OCA2: variants seen among roughly 807,000 people sequenced by gnomAD.
The protein encoded by OCA2 is P protein.
OCA2 carries 77 observed loss-of-function variants against 100.2 expected under a neutral mutation model. That is an observed-to-expected ratio of 0.77 (90% CI 0.64 to 0.93). The LOEUF (loss-of-function observed/expected upper bound fraction) is 0.93. Ranked by LOEUF, OCA2 falls within the 40% of genes least tolerant of loss-of-function variation. OCA2 has a pLI of 0.00. For synonymous variants in OCA2, 432 were observed against 439.2 expected (o/e 0.98, Z 0.21); for missense variants, 1,062 against 1,089.1 (o/e 0.98, Z 0.35).
chr15:27,969,141 C>T (rs1644092683), intron 14 of OCA2, among the ~76,000 whole-genome samples: 1 of 151,762 alleles, frequency 6.6e-6, no homozygotes, highest in African/African-American at 2.4e-5. Context: ...CTGAGTAATT[C>T]TTGGTCCCTC....
chr15:27,908,047 G>C (rs1451585464), intron 19 of OCA2, among the ~76,000 whole-genome samples: 1 of 151,066 alleles, frequency 6.6e-6, no homozygotes, highest in Non-Finnish European at 1.5e-5. Context: ...ACCACGTAAA[G>C]ACTCATTAAG....
At chr15:28,023,233 C>G (rs1354154874) in intron 5 of OCA2, among the ~76,000 whole-genome samples, 1 of 152,080 alleles carries the variant, frequency 6.6e-6, no homozygotes, top group Non-Finnish European at 1.5e-5. Flanking sequence ...AATTGGTAGC[C>G]AAAAATATCA....
intron 23 of OCA2, among the ~76,000 whole-genome samples, chr15:27,778,416 TGAGGTCACTCCGAGAG>T (rs1327031624): frequency 1.3e-5 from 2 of 152,154 alleles, no homozygotes; most frequent in East Asian, 3.8e-4. Context: ...CTGTGTTTGG[TGAGGTCACTCCGAGAG>T]GAGGTTTGGG....
chr15:27,937,820 T>A (rs547167356), intron 18 of OCA2, among the ~76,000 whole-genome samples: 3 of 152,372 alleles, frequency 2.0e-5, no homozygotes, highest in African/African-American at 7.2e-5. Flanking sequence ...TTTCCAAATG[T>A]GACAATGGAT....
intron 1 of OCA2, among the ~76,000 whole-genome samples, chr15:28,086,497 A>C (rs1403750702): frequency 6.6e-6 from 1 of 152,172 alleles, no homozygotes; most frequent in Non-Finnish European, 1.5e-5. Flanking sequence ...GTGTCAAAGG[A>C]AGGCACCTAA....
chr15:27,959,507 C>T (rs796239194), intron 15 of OCA2, among the ~76,000 whole-genome samples: 5 of 152,206 alleles, frequency 3.3e-5, no homozygotes, highest in South Asian at 2.1e-4. Flanking sequence ...GCTAAAAGCC[C>T]GTCCATAAAG....
In OCA2 at chr15:27,799,771, A is replaced by C. The variant is rs532910343; in HGVS notation, c.2433-44299T>G. Among the ~76,000 whole-genome samples the C allele has an allele frequency of 7.2e-5, 11 of 152,192 alleles. No homozygotes were observed. The South Asian group carries it at 2.3e-3, about 32-fold the overall frequency. On this transcript the variant is annotated intron_variant, in intron 23 of 23. Transcript: ENST00000354638. ...AAAAAAAAAAAAAAACTTTAGCAAA[A>C]ATTGAACAGAAATCTGAGAAAAGTG... is the stretch of plus-strand genomic sequence containing the variant.
At chr15:27,925,769 C>T (rs1343306884) in intron 19 of OCA2, among the ~76,000 whole-genome samples, 2 of 152,148 alleles carry the variant, frequency 1.3e-5, no homozygotes, top group African/African-American at 4.8e-5. Flanking sequence ...ACTCAAATAT[C>T]ACACAAAATG....
intron 3 of OCA2, among the ~76,000 whole-genome samples, chr15:28,031,218 T>C (rs1460673877): frequency 6.6e-6 from 1 of 152,256 alleles, no homozygotes; most frequent in African/African-American, 2.4e-5. Context: ...ACTTTTCAGC[T>C]TTGGAGCACT....
chr15:27,841,973 A>C (rs1006135668), intron 23 of OCA2, among the ~76,000 whole-genome samples: 5 of 152,258 alleles, frequency 3.3e-5, no homozygotes, highest in Non-Finnish European at 5.9e-5. Flanking sequence ...CTGGATTCTT[A>C]AAACATCACT....
intron 19 of OCA2, among the ~76,000 whole-genome samples, chr15:27,897,295 T>G (rs1415374740): frequency 1.3e-5 from 2 of 152,042 alleles, no homozygotes; most frequent in African/African-American, 4.8e-5. Context: ...CTCCCTGCCC[T>G]GTGTAGCCCA....
chr15:28,031,264 G>A (rs2042899523), intron 3 of OCA2, among the ~76,000 whole-genome samples: 3 of 152,138 alleles, frequency 2.0e-5, no homozygotes, highest in Admixed American at 2.0e-4. Context: ...TTCCCAAATG[G>A]CTATCCTCAG....
intron 9 of OCA2, among the ~76,000 whole-genome samples, chr15:28,003,679 G>A (rs1220532832): frequency 6.7e-6 from 1 of 149,546 alleles, no homozygotes; most frequent in Admixed American, 6.6e-5. Flanking sequence ...AGCCCGAGGT[G>A]TGTCAATGAC....
chr15:27,828,770 C>T (rs927177371), intron 23 of OCA2, among the ~76,000 whole-genome samples: 9 of 152,066 alleles, frequency 5.9e-5, no homozygotes, highest in Non-Finnish European at 8.8e-5. Flanking sequence ...TGGGGTAAAC[C>T]GGTGGCAAGT....
chr15:28,028,192 G>A, intron 3 of OCA2, 133 bp from the exon 4 acceptor site: 1 of 1,006,408 alleles, frequency 9.9e-7, no homozygotes, highest in Admixed American at 2.0e-5. Context: ...AGACAGTGGT[G>A]CACTCTCATA....
chr15:28,038,295 A>G (rs1448484), intron 2 of OCA2, among the ~76,000 whole-genome samples: 30,839 of 152,162 alleles, frequency 0.2, 10,238 homozygotes, highest in African/African-American at 0.7. Context: ...AACATGAGTA[A>G]GGAAGCTGCC....
At chr15:27,720,462 T>C in the OCA2 span, among the ~76,000 whole-genome samples, 9 of 150,306 alleles carry the variant, frequency 6.0e-5, no homozygotes, top group Admixed American at 5.3e-4. Context: ...TGTTTATATA[T>C]ATATGCATTT....
chr15:27,726,690 G>C, the OCA2 span, among the ~76,000 whole-genome samples: 1 of 152,142 alleles, frequency 6.6e-6, no homozygotes, highest in Non-Finnish European at 1.5e-5. Context: ...TGGAGGAATG[G>C]GACAGGGCAT....
the OCA2 span, among the ~76,000 whole-genome samples, chr15:27,722,570 C>G: frequency 6.6e-6 from 1 of 152,068 alleles, no homozygotes; most frequent in South Asian, 2.1e-4. Context: ...TCTCTATCAC[C>G]TTTTATCTCC....
Sources: allele counts gnomAD v4.1 joint callset (sites outside exome capture counted in the v4.1 genomes callset), GRCh38; gene constraint gnomAD v4.1.1; transcripts MANE v1.5; gene names NCBI Gene and HGNC (gene_info 2026-07-23, HGNC 2026-07-21).